VEPH1: variants seen among roughly 807,000 people sequenced by gnomAD.
VEPH1 encodes the protein ventricular zone expressed PH domain containing 1.
VEPH1 carries 80 observed loss-of-function variants against 85.2 expected under a neutral mutation model. The observed-to-expected ratio is 0.94, with a 90% CI of 0.78 to 1.13. The LOEUF (loss-of-function observed/expected upper bound fraction) is 1.13. VEPH1 is among the 50% of genes most tolerant of loss of function. The pLI is 0.00. For synonymous variants in VEPH1, 297 were observed against 348.0 expected (o/e 0.85, Z 1.63); for missense variants, 955 against 980.5 (o/e 0.97, Z 0.35).
chr3:157,274,231 A>G (rs1267932669), intron 12 of VEPH1, among the ~76,000 whole-genome samples: 1 of 152,246 alleles, frequency 6.6e-6, no homozygotes, highest in Non-Finnish European at 1.5e-5. Flanking sequence ...CCTGGTCACA[A>G]TAAAGGATCA....
intron 2 of VEPH1, among the ~76,000 whole-genome samples, chr3:157,489,523 C>T (rs1177993797): frequency 6.6e-6 from 1 of 152,118 alleles, no homozygotes; most frequent in African/African-American, 2.4e-5. Context: ...GCTTAAATGT[C>T]AGCTTTTGTC....
chr3:157,473,056 A>G (rs1258220639), intron 2 of VEPH1, among the ~76,000 whole-genome samples: 2 of 137,744 alleles, frequency 1.5e-5, no homozygotes, highest in African/African-American at 5.4e-5. Context: ...GTTTTTGCTG[A>G]TTAAATGAAC....
At chr3:157,352,848 T>C (rs1369432696) in intron 9 of VEPH1, among the ~76,000 whole-genome samples, 2 of 152,228 alleles carry the variant, frequency 1.3e-5, no homozygotes, top group African/African-American at 4.8e-5. Flanking sequence ...GTGGAATTCT[T>C]GGTTTAAACA....
rs759773121 is a variant in VEPH1 at position 157,414,056 on chromosome 3, T to G, written c.731A>C (p.His244Pro). ...GTCATTATGGGTTGAATCCTTCAAA[T>G]GCCCAATTAGGAAAGGAATACACTT... ...VQKCIPFLIG[H>P]LKDSTHNDII... is the part of the protein sequence containing the mutation. The change falls in exon 6 of 14, where the codon CAT (histidine) becomes CCT (proline). Residue 244 changes from histidine to proline, a missense_variant. Transcript: ENST00000362010. 9.9e-6 allele frequency: 16 copies of G among 1,612,586 alleles called. No individual in the cohort carries two copies. Among genetic ancestry groups the G allele is most frequent in the South Asian group, 5.5e-5 (5 of 91,034 alleles).
At chr3:157,460,950 T>C (rs979595570) in intron 3 of VEPH1, among the ~76,000 whole-genome samples, 1 of 152,062 alleles carries the variant, frequency 6.6e-6, no homozygotes, top group African/African-American at 2.4e-5. Context: ...TTTAGGGTAA[T>C]CGGGGGCCAC....
intron 9 of VEPH1, among the ~76,000 whole-genome samples, chr3:157,332,899 A>G (rs1010412072): frequency 5.9e-5 from 9 of 152,206 alleles, no homozygotes; most frequent in Non-Finnish European, 1.2e-4. Context: ...GAAGGAGGTG[A>G]ATCTGAAGAG....
rs370361264 is a variant in VEPH1, at chr3:157,307,926, T to C, written c.2010+5695A>G. 7.2e-4 allele frequency among the ~76,000 whole-genome samples: 110 copies of C among 151,864 alleles called. 2 individuals are homozygous for C. In the South Asian group the frequency reaches 0.022, roughly 31 times the overall value. ...TTAAAGAGTTTCACAGCTTTTCTTA[T>C]ATTTATTCCTAGGTCCTTTATAGTC... On this transcript the variant is annotated intron_variant, in intron 11 of 13. Coordinates refer to ENST00000362010, the MANE Select transcript of VEPH1 (RefSeq NM_001167912.2).
intron 5 of VEPH1, among the ~76,000 whole-genome samples, chr3:157,416,638 G>A (rs1448292634): frequency 6.6e-6 from 1 of 152,082 alleles, no homozygotes; most frequent in African/African-American, 2.4e-5. Flanking sequence ...GAACACCAAG[G>A]TCTTTGTGAC....
intron 7 of VEPH1, among the ~76,000 whole-genome samples, chr3:157,373,410 T>C (rs1050786718): frequency 6.6e-6 from 1 of 152,198 alleles, no homozygotes; most frequent in African/African-American, 2.4e-5. Flanking sequence ...CAACCCTTTG[T>C]ATTAATTGGA....
At chr3:157,399,116 AT>A (rs1730637729) in intron 6 of VEPH1, among the ~76,000 whole-genome samples, 1 of 152,216 alleles carries the variant, frequency 6.6e-6, no homozygotes, top group East Asian at 1.9e-4. Context: ...ATGCAGAAAG[AT>A]TTGAATTATC....
intron 5 of VEPH1, among the ~76,000 whole-genome samples, chr3:157,416,926 AAAG>A (rs1731964884): frequency 6.6e-6 from 1 of 152,064 alleles, no homozygotes; most frequent in Admixed American, 6.6e-5. Context: ...AAAGAGAAAG[AAAG>A]AAGAGAGAAA....
intron 2 of VEPH1, among the ~76,000 whole-genome samples, chr3:157,482,157 CT>C (rs945616694): frequency 6.6e-6 from 1 of 152,046 alleles, no homozygotes; most frequent in African/African-American, 2.4e-5. Flanking sequence ...TATTTTGACT[CT>C]TTTTTGGTTA....
chr3:157,378,357 T>TAG (rs1728390893), intron 7 of VEPH1, among the ~76,000 whole-genome samples: 4 of 104,292 alleles, frequency 3.8e-5, no homozygotes, highest in African/African-American at 1.1e-4. Flanking sequence ...TATATATATA[T>TAG]AGTAGTGATT....
intron 6 of VEPH1, among the ~76,000 whole-genome samples, chr3:157,385,987 A>G (rs1729246879): frequency 6.6e-6 from 1 of 152,084 alleles, no homozygotes; most frequent in South Asian, 2.1e-4. Flanking sequence ...TGCATTCACT[A>G]TTTTCACCAC....
At chr3:157,348,960 TC>T (rs966408547) in intron 9 of VEPH1, among the ~76,000 whole-genome samples, 1 of 152,114 alleles carries the variant, frequency 6.6e-6, no homozygotes, top group African/African-American at 2.4e-5. Context: ...TCAAAATACT[TC>T]AAAAAAATTA....
At chr3:157,368,250 C>T (rs1004251580) in intron 7 of VEPH1, among the ~76,000 whole-genome samples, 1 of 152,190 alleles carries the variant, frequency 6.6e-6, no homozygotes, top group Non-Finnish European at 1.5e-5. Flanking sequence ...CCTGTGTCTC[C>T]AGTGACCAGA....
Position 157,368,479 on chromosome 3 carries a change from T to TTTTTTTTGTTTG in VEPH1, c.1128-3968_1128-3967insCAAACAAAAAAA, listed in dbSNP as rs112204575. Among the ~76,000 whole-genome samples the TTTTTTTTGTTTG allele has an allele frequency of 6.6e-5, 10 of 150,986 alleles. No homozygotes were observed. In the East Asian group the frequency reaches 1.7e-3, roughly 26 times the overall value. On this transcript the variant is annotated intron_variant, in intron 7 of 13. Coordinates refer to ENST00000362010, the MANE Select transcript of VEPH1 (RefSeq NM_001167912.2). ...CTGAATTTCAGATAAACAATAAGTT[T>TTTTTTTTGTTTG]TTTGTTTGTTTGTTTGTTTGTTTGT...
At chr3:157,312,900 ATTTTTTT>A (rs140277345) in intron 11 of VEPH1, among the ~76,000 whole-genome samples, 3 of 98,082 alleles carry the variant, frequency 3.1e-5, no homozygotes, top group South Asian at 3.4e-4. Flanking sequence ...AAAAAAAAAC[ATTTTTTT>A]TTTTTTTTTT....
intron 12 of VEPH1, among the ~76,000 whole-genome samples, chr3:157,269,842 C>T (rs903551926): frequency 6.6e-5 from 10 of 151,980 alleles, no homozygotes; most frequent in South Asian, 6.2e-4. Context: ...GAATGATCTA[C>T]GAGGGTATGA....
Sources: allele counts gnomAD v4.1 joint callset (sites outside exome capture counted in the v4.1 genomes callset), GRCh38; gene constraint gnomAD v4.1.1; transcripts MANE v1.5; gene names NCBI Gene and HGNC (gene_info 2026-07-23, HGNC 2026-07-21).